ST6GAL1: variants seen among roughly 807,000 people sequenced by gnomAD.
ST6GAL1 encodes beta-galactoside alpha-2,6-sialyltransferase 1.
Under a neutral mutation model 38.0 loss-of-function variants are expected in ST6GAL1, and 20 were observed. That is an observed-to-expected ratio of 0.53 (90% confidence interval 0.37 to 0.77). The LOEUF (loss-of-function observed/expected upper bound fraction) is 0.77. Among genes scored for constraint, ST6GAL1 ranks in the 30% least tolerant of loss-of-function variants. The pLI, the probability that ST6GAL1 is intolerant of heterozygous loss-of-function variation, is 0.00. For missense variants in ST6GAL1, 432 were observed against 496.4 expected (o/e 0.87, Z 1.23); for synonymous variants, 196 against 188.2 (o/e 1.04, Z -0.34).
chr3:187,043,105 G>A lies in ST6GAL1; in HGVS notation c.402G>A (p.Lys134=). 1.2e-6 allele frequency: 2 copies of A among 1,614,254 alleles called. No individual in the cohort carries two copies. The change falls in exon 4 of 8, where the codon AAG becomes AAA. Residue 134 remains lysine, a synonymous_variant. Coordinates refer to ENST00000169298, the MANE Select transcript of ST6GAL1 (RefSeq NM_173216.2). The part of the protein sequence containing the change: ...VSYKGPGPGI[K]FSAEALRCHL... ...ACAAGGGGCCAGGACCAGGCATCAAGTTCAGTGCAGAGGCCCTGCGCTGCC... is the reference window on the plus strand; with the variant it reads ...ACAAGGGGCCAGGACCAGGCATCAAATTCAGTGCAGAGGCCCTGCGCTGCC...
intron 2 of ST6GAL1, among the ~76,000 whole-genome samples, chr3:187,005,059 A>G (rs762258381): frequency 1.6e-4 from 22 of 138,488 alleles, no homozygotes; most frequent in Non-Finnish European, 2.9e-4. Flanking sequence ...ATGGTATTGC[A>G]GTTTTTTTTT....
At chr3:186,989,039 A>G (rs778739691) in intron 2 of ST6GAL1, among the ~76,000 whole-genome samples, 1 of 152,190 alleles carries the variant, frequency 6.6e-6, no homozygotes, top group Non-Finnish European at 1.5e-5. Flanking sequence ...AACTTTCAGT[A>G]TTTGCATCGT....
At chr3:186,954,446 C>G (rs933111424) in intron 1 of ST6GAL1, among the ~76,000 whole-genome samples, 3 of 152,168 alleles carry the variant, frequency 2.0e-5, no homozygotes, top group African/African-American at 7.2e-5. Flanking sequence ...ACATTCCCAC[C>G]AACAGTGTAA....
At chr3:187,003,101 T>A (rs925277507) in intron 2 of ST6GAL1, among the ~76,000 whole-genome samples, 2 of 152,146 alleles carry the variant, frequency 1.3e-5, no homozygotes, top group African/African-American at 4.8e-5. Context: ...ATGGCGTAGT[T>A]CTAGTGCAAA....
rs190638939 is a variant in ST6GAL1 at position 186,968,841 on chromosome 3, C to A, written c.-183+4915C>A. On this transcript the variant is annotated intron_variant, in intron 2 of 7. Coordinates refer to ENST00000169298, the MANE Select transcript of ST6GAL1 (RefSeq NM_173216.2). ...GTTGTGGGGACATAAGTATTTATTT[C>A]TCATGAGTAATCTCCTAAGAGTAGA... Among the ~76,000 whole-genome samples the A allele has an allele frequency of 3.7e-4, 56 of 152,234 alleles. No homozygotes were observed. In the East Asian group the frequency reaches 0.011, roughly 29 times the overall value.
At chr3:186,994,516 G>T (rs1716297493) in intron 2 of ST6GAL1, among the ~76,000 whole-genome samples, 2 of 152,056 alleles carry the variant, frequency 1.3e-5, no homozygotes, top group Admixed American at 6.6e-5. Context: ...TTCAAAGTGG[G>T]GGGACTTTTT....
intron 5 of ST6GAL1, chr3:187,051,668 G>T: frequency 3.4e-6 from 1 of 292,876 alleles, no homozygotes; most frequent in Non-Finnish European, 6.7e-6. Flanking sequence ...AACATCCAGG[G>T]GAGAGTGGGG....
intron 1 of ST6GAL1, among the ~76,000 whole-genome samples, chr3:186,932,076 T>G (rs1213236184): frequency 2.0e-5 from 3 of 152,214 alleles, no homozygotes; most frequent in Non-Finnish European, 2.9e-5. Flanking sequence ...CGCCCCAGTG[T>G]GTGCCTGCTG....
At chr3:187,065,703 C>T (rs1383950221) in intron 5 of ST6GAL1, among the ~76,000 whole-genome samples, 1 of 152,204 alleles carries the variant, frequency 6.6e-6, no homozygotes, top group Non-Finnish European at 1.5e-5. Flanking sequence ...GACCTACTTC[C>T]TATATGCCTA....
intron 4 of ST6GAL1, chr3:187,043,980 C>A (rs893364038): frequency 1.3e-5 from 2 of 152,164 alleles, no homozygotes; most frequent in Admixed American, 6.5e-5. Context: ...CCTGCAATTG[C>A]GTGCAAAACT....
chr3:186,983,768 A>C (rs989648678), intron 2 of ST6GAL1, among the ~76,000 whole-genome samples: 10 of 152,172 alleles, frequency 6.6e-5, no homozygotes, highest in Admixed American at 4.6e-4. Context: ...TAGCCTGTCC[A>C]AGATCAGACC....
intron 1 of ST6GAL1, among the ~76,000 whole-genome samples, chr3:186,945,988 C>CAAAAAAA (rs71167026): frequency 8.4e-5 from 6 of 71,476 alleles, no homozygotes; most frequent in South Asian, 6.7e-4. Flanking sequence ...AAGACTCCGT[C>CAAAAAAA]AAAAAAAAAA....
intron 2 of ST6GAL1, among the ~76,000 whole-genome samples, chr3:186,980,766 C>A (rs1219309018): frequency 5.7e-4 from 69 of 121,400 alleles, no homozygotes; most frequent in South Asian, 2.2e-3. Flanking sequence ...GACTCCATCT[C>A]AAAAAAAAAA....
chr3:187,043,146 T>C lies in ST6GAL1; in HGVS notation c.443T>C (p.Val148Ala). 1 of 1,614,216 alleles carries C rather than the reference T, an allele frequency of 6.2e-7. No homozygotes were observed. The highest frequency in any genetic ancestry group is 8.5e-7 in the Non-Finnish European group (1 of 1,180,020). ...EALRCHLRDH[V>A]NVSMVEVTDF... ...CTGCGCTGCCACCTCCGGGACCATG[T>C]GAATGTATCCATGGTAGAGGTCACA... Residue 148 changes from valine (V) to alanine (A), a missense_variant, in exon 4 of 8, where the codon GTG (valine) becomes GCG (alanine). Coordinates refer to ENST00000169298, the MANE Select transcript of ST6GAL1 (RefSeq NM_173216.2).
intron 1 of ST6GAL1, among the ~76,000 whole-genome samples, chr3:186,933,637 G>A (rs568671847): frequency 1.3e-5 from 2 of 152,276 alleles, no homozygotes; most frequent in African/African-American, 4.8e-5. Flanking sequence ...CATGTGACTG[G>A]ACCCTTTTAC....
intron 2 of ST6GAL1, among the ~76,000 whole-genome samples, chr3:186,983,166 TCCATTCA>T (rs1715750829): frequency 6.6e-6 from 1 of 152,212 alleles, no homozygotes; most frequent in East Asian, 1.9e-4. Context: ...ATAAAATGTT[TCCATTCA>T]TTCACCAAAT....
intron 1 of ST6GAL1, among the ~76,000 whole-genome samples, chr3:186,949,318 TAA>T (rs1270226306): frequency 6.6e-6 from 1 of 152,170 alleles, no homozygotes; most frequent in East Asian, 1.9e-4. Flanking sequence ...ATCAGTTACC[TAA>T]GAGTCTGCCT....
At chr3:186,966,442 C>T (rs1259294342) in intron 2 of ST6GAL1, among the ~76,000 whole-genome samples, 2 of 152,202 alleles carry the variant, frequency 1.3e-5, no homozygotes, top group African/African-American at 4.8e-5. Flanking sequence ...AAAAGAGATA[C>T]ACTAAGGCTG....
At chr3:186,987,629 G>A (rs2108542860) in intron 2 of ST6GAL1, among the ~76,000 whole-genome samples, 1 of 152,310 alleles carries the variant, frequency 6.6e-6, no homozygotes, top group African/African-American at 2.4e-5. Flanking sequence ...TTTTGCTGAA[G>A]TGCTGTTGAA....
Sources: gnomAD v4.1 joint callset for allele counts (sites outside exome capture counted in the v4.1 genomes callset) on GRCh38, gnomAD v4.1.1 for gene constraint, MANE v1.5 for transcripts, NCBI Gene and HGNC (gene_info 2026-07-23, HGNC 2026-07-21) for gene names.